The following GPHN variants were observed in gnomAD, a reference collection of about 807,000 sequenced individuals.
GPHN encodes the protein gephyrin.
Under a neutral mutation model 95.5 loss-of-function variants are expected in GPHN, and 17 were observed. The observed-to-expected ratio is 0.18, with a 90% CI of 0.12 to 0.27. The LOEUF (loss-of-function observed/expected upper bound fraction) is 0.27. Among genes scored for constraint, GPHN ranks in the 10% least tolerant of loss-of-function variants. GPHN has a pLI of 1.00. For synonymous variants in GPHN, 320 were observed against 322.5 expected (o/e 0.99, Z 0.08); for missense variants, 660 against 978.1 (o/e 0.67, Z 4.34).
intron 1 of GPHN, among the ~76,000 whole-genome samples, chr14:66,644,857 T>A (rs2153357210): frequency 6.6e-6 from 1 of 152,250 alleles, no homozygotes; most frequent in Admixed American, 6.5e-5. Flanking sequence ...AATAAGCTAA[T>A]GATTATATTT....
chr14:66,777,770 A>T (rs951223688), intron 3 of GPHN, among the ~76,000 whole-genome samples: 1 of 152,214 alleles, frequency 6.6e-6, no homozygotes, highest in African/African-American at 2.4e-5. Flanking sequence ...ACAAAATTCA[A>T]CAACCCTTCA....
the GPHN span, among the ~76,000 whole-genome samples, chr14:67,608,619 A>T: frequency 6.6e-6 from 1 of 152,076 alleles, no homozygotes; most frequent in South Asian, 2.1e-4. Context: ...CTGAATTAGG[A>T]CTTTCTGGTG....
chr14:67,445,577 C>CTTTTTTTTTTTTTT, the GPHN span, among the ~76,000 whole-genome samples: 27 of 59,936 alleles, frequency 4.5e-4, 3 homozygotes, highest in African/African-American at 6.0e-4. Context: ...AGAGGCAATT[C>CTTTTTTTTTTTTTT]TTTTTTTTTT....
At chr14:67,027,639 T>C (rs1402748756) in intron 10 of GPHN, among the ~76,000 whole-genome samples, 1 of 152,226 alleles carries the variant, frequency 6.6e-6, no homozygotes, top group East Asian at 1.9e-4. Flanking sequence ...TTAATTGTTT[T>C]CTTGATGTAC....
At chr14:66,824,123 T>TA (rs2061308869) in intron 3 of GPHN, among the ~76,000 whole-genome samples, 1 of 152,204 alleles carries the variant, frequency 6.6e-6, no homozygotes, top group Non-Finnish European at 1.5e-5. Flanking sequence ...TTATGACATG[T>TA]AATTCTAATC....
intron 3 of GPHN, among the ~76,000 whole-genome samples, chr14:66,812,097 TA>T (rs2060787474): frequency 1.3e-5 from 2 of 152,030 alleles, no homozygotes; most frequent in South Asian, 4.2e-4. Context: ...TACATTAAAG[TA>T]AAAAGGGAAA....
the GPHN span, among the ~76,000 whole-genome samples, chr14:67,632,556 C>T: frequency 6.6e-6 from 1 of 152,046 alleles, no homozygotes; most frequent in Non-Finnish European, 1.5e-5. Flanking sequence ...CCATTTGTAC[C>T]CAGGGGAGTT....
At chr14:66,581,793 A>T (rs538249685) in intron 1 of GPHN, among the ~76,000 whole-genome samples, 2 of 152,014 alleles carry the variant, frequency 1.3e-5, no homozygotes, top group African/African-American at 4.8e-5. Context: ...ATAAAAAGAG[A>T]CACAGAAAAG....
chr14:66,878,458 A>G (rs2063771545), intron 4 of GPHN, among the ~76,000 whole-genome samples: 1 of 152,150 alleles, frequency 6.6e-6, no homozygotes, highest in Admixed American at 6.5e-5. Context: ...AATTTTTGCA[A>G]TGTCTCTGTC....
At chr14:67,695,527 C>T in the GPHN span, 8 of 1,144,328 alleles carry the variant, frequency 7.0e-6, no homozygotes, top group Non-Finnish European at 9.8e-6. Context: ...CATCTTGGAG[C>T]CCCCCCAGGG....
chr14:66,852,231 C>G (rs1407777051), intron 4 of GPHN, among the ~76,000 whole-genome samples: 1 of 152,124 alleles, frequency 6.6e-6, no homozygotes, highest in Admixed American at 6.6e-5. Flanking sequence ...AACTTGGCAA[C>G]AGTCTAGACT....
chr14:67,446,831 C>T, the GPHN span, among the ~76,000 whole-genome samples: 1 of 151,990 alleles, frequency 6.6e-6, no homozygotes, highest in African/African-American at 2.4e-5. Context: ...CAGGGGTTGG[C>T]GAACTACCAG....
intron 9 of GPHN, among the ~76,000 whole-genome samples, chr14:66,967,453 A>C (rs1404172284): frequency 6.6e-6 from 1 of 151,908 alleles, no homozygotes; most frequent in Non-Finnish European, 1.5e-5. Flanking sequence ...CCTTGTCTTC[A>C]TGGAGTTTAC....
the GPHN span, chr14:67,727,487 T>TTG: frequency 3.0e-6 from 1 of 329,330 alleles, no homozygotes; most frequent in Non-Finnish European, 5.8e-6. Context: ...TTTTTTTTGT[T>TTG]TTTTTTTTTT....
At chr14:66,822,976 T>C (rs974085294) in intron 3 of GPHN, 2 of 152,122 alleles carry the variant, frequency 1.3e-5, no homozygotes, top group Admixed American at 6.6e-5. Context: ...CATTGCTGAG[T>C]TGTGGTATCA....
rs1391233725 is a variant in GPHN at position 66,517,917 on chromosome 14, C to CA, written c.64+9333dup. On this transcript the variant is annotated intron_variant, in intron 1 of 22. Transcript: ENST00000478722. Reference sequence around the variant, plus strand: ...ATAAATAAGACCTCAAAAGCACAGGCAAAAAAAGCAAAAATAAACAAGTGG... The same window carrying CA: ...ATAAATAAGACCTCAAAAGCACAGGCAAAAAAAAGCAAAAATAAACAAGTGG... Among the ~76,000 whole-genome samples, 5 of 151,014 alleles carry CA rather than the reference C, an allele frequency of 3.3e-5. No individual in the cohort carries two copies. In the East Asian group the frequency reaches 5.8e-4, roughly 18 times the overall value.
chr14:67,377,961 A>T, the GPHN span, among the ~76,000 whole-genome samples: 2 of 151,880 alleles, frequency 1.3e-5, no homozygotes, highest in Non-Finnish European at 2.9e-5. Flanking sequence ...AAAAAAATTA[A>T]AAGTAGCCAG....
the GPHN span, among the ~76,000 whole-genome samples, chr14:67,654,887 G>T: frequency 1.3e-5 from 2 of 151,924 alleles, no homozygotes; most frequent in Non-Finnish European, 2.9e-5. Flanking sequence ...AAATTAGCCG[G>T]GTGTGGTGGC....
At chr14:67,160,287 T>G (rs1328304269) in intron 19 of GPHN, among the ~76,000 whole-genome samples, 1 of 152,198 alleles carries the variant, frequency 6.6e-6, no homozygotes, top group African/African-American at 2.4e-5. Flanking sequence ...CTCTGATATA[T>G]GCTATAAATT....
Sources: gnomAD v4.1 joint callset for allele counts (sites outside exome capture counted in the v4.1 genomes callset) on GRCh38, gnomAD v4.1.1 for gene constraint, MANE v1.5 for transcripts, NCBI Gene and HGNC (gene_info 2026-07-23, HGNC 2026-07-21) for gene names.